KLK15: variants seen among roughly 807,000 people sequenced by gnomAD.
KLK15 encodes kallikrein-15.
KLK15 carries 19 observed loss-of-function variants against 21.1 expected under a neutral mutation model. The ratio of observed to expected loss-of-function variants is 0.90; its 90% CI spans 0.63 to 1.32. The LOEUF (loss-of-function observed/expected upper bound fraction) is 1.32. KLK15 is among the 40% of genes most tolerant of loss of function. KLK15 has a pLI of 0.00. For synonymous variants in KLK15, 141 were observed against 141.5 expected, an observed-to-expected ratio of 1.00 and a Z score of 0.03; for missense variants, 345 against 348.6, an observed-to-expected ratio of 0.99 and a Z score of 0.08.
At chr19:50,832,322 CTT>C (rs773163899), upstream of KLK15, among the ~76,000 whole-genome samples, 327 of 109,410 alleles carry the variant, frequency 3.0e-3, 1 homozygote, top group African/African-American at 0.01. Flanking sequence ...CTTTTTTTTT[CTT>C]TTTTTTTTTT....
upstream of KLK15, among the ~76,000 whole-genome samples, chr19:50,832,649 C>T (rs1164706649): frequency 6.6e-6 from 1 of 152,194 alleles, no homozygotes. Context: ...AAAGTGGCTT[C>T]TTCCCTTCCA....
chr19:50,826,635 C>A (rs375568943), exon 4 of KLK15: 128 of 1,601,466 alleles, frequency 8.0e-5, no homozygotes, highest in South Asian at 1.0e-4. Context: ...CAGGATTCTG[C>A]GCCTCTGCCC....
downstream of KLK15, chr19:50,825,701 G>A: frequency 7.6e-7 from 1 of 1,311,216 alleles, no homozygotes; most frequent in South Asian, 1.5e-5. Flanking sequence ...CAGGGTCTTG[G>A]GGGATGGCTC....
chr19:50,832,459 A>T (rs2090007842), upstream of KLK15, among the ~76,000 whole-genome samples: 1 of 150,284 alleles, frequency 6.7e-6, no homozygotes, highest in Non-Finnish European at 1.5e-5. Flanking sequence ...AGCAATTGGG[A>T]TTACAGGTGT....
chr19:50,831,280 AC>A, intron 1 of KLK15, 169 bp downstream of exon 2: 1 of 457,144 alleles, frequency 2.2e-6, no homozygotes, highest in Non-Finnish European at 3.7e-6. Flanking sequence ...GAGCAGCAGC[AC>A]CAGCACCTGA....
At chr19:50,826,900 G>A (rs1270808246) in exon 3 of KLK15, 2 of 1,565,854 alleles carry the variant, frequency 1.3e-6, no homozygotes, top group Non-Finnish European at 1.7e-6. Context: ...GGCTCCCAGC[G>A]GTCCCAGGCT....
Position 50,826,475 on chromosome 19 carries a change from C to T in KLK15, c.618+146G>A, listed in dbSNP as rs151262328. 3.4e-5 allele frequency: 33 copies of T among 960,034 alleles called. No individual in the cohort carries two copies. In the African/African-American group the frequency reaches 5.3e-4, roughly 15 times the overall value. The allele number at this position is 960,034 out of a possible 1,614,324, so 59.5% of individuals were successfully genotyped here. On this transcript the variant is annotated intron_variant, in intron 4 of 4. Coordinates refer to ENST00000598239, the Ensembl canonical transcript of KLK15. ...TATAACCCCAACTCCAACCTCACCCCTATTCTAACTTCTCTTCCTACTCCA... is the reference window on the plus strand; with the variant it reads ...TATAACCCCAACTCCAACCTCACCCTTATTCTAACTTCTCTTCCTACTCCA...
rs755413711 is a variant in KLK15 at position 50,831,477 on chromosome 19, TGAG to T, written c.13_15del (p.Leu5del). 4.9e-5 allele frequency: 71 copies of T among 1,447,580 alleles called. No homozygotes were observed. The South Asian group carries it at 9.4e-4, about 19-fold the overall frequency. The allele number at this position is 1,447,580 out of a possible 1,614,324, so 89.7% of individuals were successfully genotyped here. A position where few individuals can be genotyped will look rare whatever the true frequency, so the allele number is the denominator to read the frequency against. On this transcript the variant is annotated inframe_deletion, in exon 1 of 5. Transcript: ENST00000598239. Reference sequence around the variant, plus strand: ...GTGGATGCCAGCAGGAAGGAGAGAGTGAGGAGAAGCCACATTGTGGAGGAGGGA... The same window carrying T: ...GTGGATGCCAGCAGGAAGGAGAGAGTGAGAAGCCACATTGTGGAGGAGGGA...
At chr19:50,833,210 A>G (rs60621230), upstream of KLK15, 13,450 of 152,320 alleles carry the variant, frequency 0.088, 732 homozygotes, top group East Asian at 0.2. Context: ...GGTACACAGG[A>G]GGCCTCCGGG....
chr19:50,826,087 C>G, intron 4 of KLK15, 139 bp from the exon 6 acceptor site: 1 of 799,338 alleles, frequency 1.3e-6, no homozygotes, highest in Non-Finnish European at 1.9e-6. Context: ...TCAATACAGC[C>G]CAGTTTATCC....
chr19:50,832,141 G>A (rs1375352868), upstream of KLK15, among the ~76,000 whole-genome samples: 2 of 150,310 alleles, frequency 1.3e-5, no homozygotes, highest in Admixed American at 6.6e-5. Context: ...CTCTTATCTG[G>A]CCTTTTGGGT....
chr19:50,830,160 TACAC>T (rs58238482), intron 1 of KLK15, among the ~76,000 whole-genome samples: 27 of 147,362 alleles, frequency 1.8e-4, no homozygotes, highest in Middle Eastern at 3.5e-3. Flanking sequence ...CACGTGCATG[TACAC>T]ACACACACAC....
upstream of KLK15, among the ~76,000 whole-genome samples, chr19:50,833,482 A>G (rs920149911): frequency 6.6e-6 from 1 of 152,134 alleles, no homozygotes; most frequent in Admixed American, 6.6e-5. Context: ...GGGCACAGTG[A>G]ATCTCCCCTT....
In KLK15 at chr19:50,827,147, C is replaced by A. The variant is rs115716744; in HGVS notation, c.212G>T (p.Arg71Leu). ...CTTGCGCAGGTTGTGCTCTCCCAGG[C>A]GCACTCTCATGAAGCTGTGCGGGCG... Residue 71 changes from arginine to leucine, a missense_variant, in exon 3 of 5, where the codon CGC becomes CTC. Coordinates refer to ENST00000598239, the Ensembl canonical transcript of KLK15. 1,903 of 1,590,062 alleles carry A rather than the reference C, an allele frequency of 1.2e-3. 20 individuals carry two copies. In the African/African-American group the frequency reaches 0.023, roughly 20 times the overall value.
At position 50,829,145 on chromosome 19, in the gene KLK15, C is replaced by T. The variant is rs73585071; in HGVS notation, c.44-1330G>A. Among the ~76,000 whole-genome samples the T allele has an allele frequency of 8.3e-3, 1,263 of 151,526 alleles. 39 individuals are homozygous for T. The highest frequency in any genetic ancestry group is 0.029 in the African/African-American group (1,192 of 41,408). Reference sequence around the variant, plus strand: ...ACATCTCTAGTGTGAGTCTTGGCATCCAGTGTCACAGACACTTGCATACAG... The same window carrying T: ...ACATCTCTAGTGTGAGTCTTGGCATTCAGTGTCACAGACACTTGCATACAG... On this transcript the variant is annotated intron_variant, in intron 1 of 4. Coordinates refer to ENST00000598239, the Ensembl canonical transcript of KLK15.
chr19:50,833,358 A>G (rs958642224), upstream of KLK15, among the ~76,000 whole-genome samples: 14 of 152,094 alleles, frequency 9.2e-5, no homozygotes, highest in African/African-American at 3.4e-4. Context: ...TGGCCATTCC[A>G]GGACATTTTC....
At chr19:50,827,903 G>A (rs878906686) in intron 1 of KLK15, 88 bp from the exon 3 acceptor site, 1 of 1,255,736 alleles carries the variant, frequency 8.0e-7, no homozygotes, top group Non-Finnish European at 1.1e-6. Context: ...ACTACTATAT[G>A]CCTATGCCTT....
chr19:50,832,258 A>G (rs1285163670), upstream of KLK15, among the ~76,000 whole-genome samples: 2 of 148,674 alleles, frequency 1.3e-5, no homozygotes, highest in South Asian at 2.1e-4. Flanking sequence ...ACCACCCTCC[A>G]TGGATCCTTG....
At chr19:50,828,358 A>T (rs1331226153) in intron 1 of KLK15, among the ~76,000 whole-genome samples, 1 of 151,582 alleles carries the variant, frequency 6.6e-6, no homozygotes, top group Non-Finnish European at 1.5e-5. Context: ...AGAGGGCAAG[A>T]AGTCCTCTGT....
Sources: allele counts gnomAD v4.1 joint callset (sites outside exome capture counted in the v4.1 genomes callset), GRCh38; gene constraint gnomAD v4.1.1; transcripts MANE v1.5; gene names NCBI Gene and HGNC (gene_info 2026-07-23, HGNC 2026-07-21).